Variants in ZNF695 observed in about 807,000 individuals in gnomAD.
The protein encoded by ZNF695 is zinc finger protein 695, also known as zinc finger protein SBZF3.
A neutral mutation model predicts 11.2 loss-of-function variants in ZNF695; 11 were observed. The ratio of observed to expected loss-of-function variants is 0.98; its 90% CI spans 0.62 to 1.62. The LOEUF (loss-of-function observed/expected upper bound fraction) is 1.62. Among genes scored for constraint, ZNF695 ranks in the 40% most tolerant of loss-of-function variants. ZNF695 has a pLI of 0.00. For synonymous variants in ZNF695, 190 were observed against 201.4 expected, an observed-to-expected ratio of 0.94 and a Z score of 0.48; for missense variants, 559 against 590.5, an observed-to-expected ratio of 0.95 and a Z score of 0.55.
Position 246,987,538 on chromosome 1 carries a change from C to T in ZNF695, c.977G>A (p.Cys326Tyr). The change falls in exon 4 of 4, where the codon TGT becomes TAT. Residue 326 changes from cysteine to tyrosine, a missense_variant. Cys to Tyr is a radical substitution (Grantham distance 194). Transcript: ENST00000339986. Reference protein sequence around the residue: ...RIHSREKPYKCEECGKVFKLL... With the variant: ...RIHSREKPYKYEECGKVFKLL... ...TTTAAAGACTTTGCCACATTCTTCA[C>T]ACTTGTAGGGTTTCTCTCTACTATG... 1 of 1,603,814 alleles carries T rather than the reference C, an allele frequency of 6.2e-7. No individual in the cohort carries two copies. Among genetic ancestry groups the T allele is most frequent in the Non-Finnish European group, 8.5e-7 (1 of 1,175,540 alleles).
chr1:246,990,181 G>C (rs1431651262), intron 3 of ZNF695, among the ~76,000 whole-genome samples: 3 of 101,784 alleles, frequency 2.9e-5, no homozygotes. Context: ...GGAAAGAAAG[G>C]AAAGGAAGGA....
chr1:246,970,102 C>T (rs1668387845), intron 4 of ZNF695, among the ~76,000 whole-genome samples: 1 of 152,174 alleles, frequency 6.6e-6, no homozygotes, highest in South Asian at 2.1e-4. Context: ...TAGAGAGCAG[C>T]TCTTTTAACA....
intron 4 of ZNF695, among the ~76,000 whole-genome samples, chr1:246,971,988 G>A (rs1201736348): frequency 6.6e-6 from 1 of 152,082 alleles, no homozygotes; most frequent in Non-Finnish European, 1.5e-5. Context: ...CATCCACCGG[G>A]GCCTCCCAAA....
At chr1:247,007,215 G>A (rs1669563637) in intron 1 of ZNF695, among the ~76,000 whole-genome samples, 1 of 151,990 alleles carries the variant, frequency 6.6e-6, no homozygotes, top group Admixed American at 6.6e-5. Context: ...TTTTTAAGAG[G>A]AGAAAGGAGA....
chr1:246,967,349 C>G (rs566679687), intron 5 of ZNF695: 79 of 456,296 alleles, frequency 1.7e-4, no homozygotes, highest in Non-Finnish European at 2.6e-4. Flanking sequence ...GTTGCAAAAC[C>G]CCAAGCTAGA....
At chr1:246,977,135 G>A (rs1404379775) in intron 4 of ZNF695, among the ~76,000 whole-genome samples, 2 of 152,180 alleles carry the variant, frequency 1.3e-5, no homozygotes, top group African/African-American at 4.8e-5. Context: ...TAAGAGCGTT[G>A]TGCCAGCTAA....
At chr1:247,004,540 G>A (rs922364880) in intron 1 of ZNF695, among the ~76,000 whole-genome samples, 2 of 152,120 alleles carry the variant, frequency 1.3e-5, no homozygotes, top group African/African-American at 4.8e-5. Flanking sequence ...AGAAAAGGAT[G>A]CCAACTTTCA....
downstream of ZNF695, among the ~76,000 whole-genome samples, chr1:246,983,472 G>T (rs1668765607): frequency 6.6e-6 from 1 of 152,100 alleles, no homozygotes; most frequent in South Asian, 2.1e-4. Flanking sequence ...AGTAAGCTAT[G>T]ATCACAATGT....
At position 246,987,953 on chromosome 1, in the gene ZNF695, C is replaced by G. The variant is rs1668905692; in HGVS notation, c.562G>C (p.Glu188Gln). The change falls in exon 4 of 4, where the codon GAA (glutamate) becomes CAA (glutamine). Residue 188 changes from glutamate (E) to glutamine (Q), a missense_variant. Coordinates refer to ENST00000339986, the MANE Select transcript of ZNF695 (RefSeq NM_020394.5). ...GACATGCAAGAGACATTGCCACATT[C>G]TTTGCATTTGAATGGTTTTTCTCCA... ...HTGEKPFKCKECGNVSCMSLI... is the reference protein window; with the variant it reads ...HTGEKPFKCKQCGNVSCMSLI... 1 of 1,610,316 alleles carries G rather than the reference C, an allele frequency of 6.2e-7. No individual in the cohort carries two copies. The highest frequency in any genetic ancestry group is 1.3e-5 in the African/African-American group (1 of 74,698).
chr1:247,006,670 G>C (rs1169498136), intron 1 of ZNF695, among the ~76,000 whole-genome samples: 1 of 152,190 alleles, frequency 6.6e-6, no homozygotes, highest in Non-Finnish European at 1.5e-5. Context: ...GTTGTGTTTG[G>C]AGAGACAAAG....
chr1:246,945,895 G>A, intron 5 of ZNF695: 1 of 1,533,192 alleles, frequency 6.5e-7, no homozygotes, highest in Non-Finnish European at 8.8e-7. Context: ...GATTTATGCT[G>A]AGGTGTTAAA....
At chr1:246,984,281 A>T (rs892334517), downstream of ZNF695, among the ~76,000 whole-genome samples, 20 of 130,720 alleles carry the variant, frequency 1.5e-4, no homozygotes, top group African/African-American at 4.7e-4. Flanking sequence ...CACAGGTTTT[A>T]AAAAAAAAAA....
At chr1:246,963,716 G>A (rs1029242366) in intron 5 of ZNF695, among the ~76,000 whole-genome samples, 2 of 152,180 alleles carry the variant, frequency 1.3e-5, no homozygotes, top group African/African-American at 4.8e-5. Context: ...TTCCTCTCCG[G>A]TTGCTAAAAT....
At chr1:247,006,970 C>T (rs1037442429) in intron 1 of ZNF695, among the ~76,000 whole-genome samples, 1 of 152,178 alleles carries the variant, frequency 6.6e-6, no homozygotes, top group Admixed American at 6.5e-5. Context: ...TAACCAACCA[C>T]TAAATGCTAA....
chr1:247,003,326 T>C (rs1458651868), intron 1 of ZNF695, among the ~76,000 whole-genome samples: 1 of 152,220 alleles, frequency 6.6e-6, no homozygotes, highest in Non-Finnish European at 1.5e-5. Context: ...TGAATGCTGC[T>C]GGATAATTTA....
At chr1:247,004,650 T>C (rs1457022116) in intron 1 of ZNF695, among the ~76,000 whole-genome samples, 1 of 152,162 alleles carries the variant, frequency 6.6e-6, no homozygotes, top group East Asian at 1.9e-4. Context: ...TTATCCTTGT[T>C]TGCAAATGAT....
chr1:246,988,155 C>T lies in ZNF695; in HGVS notation c.360G>A (p.Glu120=), dbSNP rs1340997181. ...MLRRYERCCL[E]KLRLRNDWEI... ...CCCAGTCATTCCTTAAGCGTAATTT[C>T]TCAAGACAACATCTTTCATATCTTC... The change falls in exon 4 of 4, where the codon GAG becomes GAA. Residue 120 remains glutamate (E), a synonymous_variant. Transcript: ENST00000339986. The T allele has an allele frequency of 6.2e-7, 1 of 1,613,688 alleles. No homozygotes were observed. The highest frequency in any genetic ancestry group is 1.1e-5 in the South Asian group (1 of 90,994).
intron 4 of ZNF695, among the ~76,000 whole-genome samples, chr1:246,979,291 G>A (rs1156779784): frequency 6.6e-6 from 1 of 152,114 alleles, no homozygotes; most frequent in East Asian, 1.9e-4. Context: ...GGGAAGATGT[G>A]GAGAAGACGG....
chr1:247,002,757 T>G (rs576262452), intron 1 of ZNF695, among the ~76,000 whole-genome samples: 202 of 150,390 alleles, frequency 1.3e-3, no homozygotes, highest in African/African-American at 4.8e-3. Context: ...CACTACAGCC[T>G]GGGTGAAAGA....
Sources: gnomAD v4.1 joint callset for allele counts (sites outside exome capture counted in the v4.1 genomes callset) on GRCh38, gnomAD v4.1.1 for gene constraint, MANE v1.5 for transcripts, NCBI Gene and HGNC (gene_info 2026-07-23, HGNC 2026-07-21) for gene names.